DGKB: variants seen among roughly 807,000 people sequenced by gnomAD.
The protein encoded by DGKB is diacylglycerol kinase beta.
A neutral mutation model predicts 114.3 loss-of-function variants in DGKB; 67 were observed. The ratio of observed to expected loss-of-function variants is 0.59; its 90% confidence interval spans 0.48 to 0.72. The LOEUF (loss-of-function observed/expected upper bound fraction) is 0.72, where lower values mean the gene tolerates loss of function less well. Among genes scored for constraint, DGKB ranks in the 30% least tolerant of loss-of-function variants. The probability of loss-of-function intolerance (pLI) is 0.00; values close to 1 mark genes in which losing one functional copy is unlikely to be tolerated. For synonymous variants in DGKB, 398 were observed against 323.1 expected, an observed-to-expected ratio of 1.23 and a Z score of -2.49; for missense variants, 907 against 975.2, an observed-to-expected ratio of 0.93 and a Z score of 0.93.
intron 12 of DGKB, among the ~76,000 whole-genome samples, chr7:14,680,139 T>C (rs1820577958): frequency 1.3e-5 from 2 of 151,982 alleles, no homozygotes; most frequent in Admixed American, 6.6e-5. Flanking sequence ...CAGCCTTTTT[T>C]TTTCTTTCTG....
chr7:14,292,868 G>A (rs1251398716), intron 23 of DGKB, among the ~76,000 whole-genome samples: 2 of 152,152 alleles, frequency 1.3e-5, no homozygotes, highest in African/African-American at 4.8e-5. Context: ...ATAAACAGAG[G>A]TTTGACCACT....
chr7:14,874,540 A>G (rs1200262879), intron 1 of DGKB, among the ~76,000 whole-genome samples: 2 of 151,982 alleles, frequency 1.3e-5, no homozygotes, highest in Admixed American at 6.6e-5. Context: ...TACAAAGCAC[A>G]TATCATATAA....
chr7:14,868,075 C>T (rs761778696), intron 1 of DGKB, among the ~76,000 whole-genome samples: 10 of 152,228 alleles, frequency 6.6e-5, no homozygotes, highest in East Asian at 5.8e-4. Flanking sequence ...AACACCTCTG[C>T]GTCTCCATTT....
intron 21 of DGKB, among the ~76,000 whole-genome samples, chr7:14,454,519 T>C (rs972954800): frequency 1.3e-5 from 2 of 152,126 alleles, no homozygotes; most frequent in African/African-American, 4.8e-5. Flanking sequence ...CGTTCAGGAA[T>C]TATAATATGG....
At chr7:14,960,022 G>A (rs922633946) in intron 1 of DGKB, among the ~76,000 whole-genome samples, 2 of 151,986 alleles carry the variant, frequency 1.3e-5, no homozygotes, top group Non-Finnish European at 2.9e-5. Flanking sequence ...TTTTTACAGG[G>A]AAGACAACTT....
intron 21 of DGKB, among the ~76,000 whole-genome samples, chr7:14,366,942 T>C (rs1293862765): frequency 1.3e-5 from 2 of 152,106 alleles, no homozygotes; most frequent in African/African-American, 4.8e-5. Flanking sequence ...GTAAGGACAA[T>C]GGTCTCCAAT....
intron 2 of DGKB, among the ~76,000 whole-genome samples, chr7:14,823,962 T>C (rs537178176): frequency 6.6e-6 from 1 of 152,324 alleles, no homozygotes; most frequent in Non-Finnish European, 1.5e-5. Context: ...TTTAATTGAC[T>C]CATAGTTCCA....
At chr7:14,325,257 T>A (rs1377639462) in intron 23 of DGKB, among the ~76,000 whole-genome samples, 1 of 152,138 alleles carries the variant, frequency 6.6e-6, no homozygotes, top group Non-Finnish European at 1.5e-5. Context: ...GCTGAGGTGA[T>A]GTGGTCTCTG....
intron 17 of DGKB, among the ~76,000 whole-genome samples, chr7:14,587,668 C>T (rs1471860945): frequency 6.6e-6 from 1 of 152,042 alleles, no homozygotes; most frequent in South Asian, 2.1e-4. Context: ...ACTAGAGCCA[C>T]CTCCACCTTC....
At chr7:14,419,751 T>G (rs1335768339) in intron 21 of DGKB, among the ~76,000 whole-genome samples, 1 of 152,034 alleles carries the variant, frequency 6.6e-6, no homozygotes, top group East Asian at 1.9e-4. Flanking sequence ...TAGCTCTGAA[T>G]GGCCTTTACA....
Position 14,522,513 on chromosome 7 carries a change from A to G in DGKB, c.1771-44288T>C, listed in dbSNP as rs1584549012. Among the ~76,000 whole-genome samples the G allele has an allele frequency of 1.3e-5, 2 of 152,290 alleles. 1 individual carries two copies. Among genetic ancestry groups the G allele is most frequent in the East Asian group, 3.9e-4 (2 of 5,174 alleles). The stretch of plus-strand genomic sequence containing the variant: ...CTGTTCTCTTGCAACTGAGATGGCC[A>G]CTTAAACTGGTGATACTCCAAATCA... On this transcript the variant is annotated intron_variant, in intron 20 of 25. Transcript: ENST00000402815.
intron 2 of DGKB, among the ~76,000 whole-genome samples, chr7:14,802,825 C>T (rs539721610): frequency 6.6e-6 from 1 of 152,184 alleles, no homozygotes. Context: ...AGTGTCTCTT[C>T]GCCTTGCTAA....
intron 6 of DGKB, among the ~76,000 whole-genome samples, chr7:14,718,268 A>G (rs17606722): frequency 0.016 from 2,377 of 152,276 alleles, 35 homozygotes; most frequent in South Asian, 0.024. Context: ...CATCTTGTTA[A>G]CTCCAGAGAA....
At chr7:14,170,073 G>A (rs1780642134) in intron 25 of DGKB, among the ~76,000 whole-genome samples, 1 of 150,010 alleles carries the variant, frequency 6.7e-6, no homozygotes, top group Admixed American at 6.7e-5. Flanking sequence ...GGTGGATGTT[G>A]CGGTGAGCCG....
At chr7:14,434,063 A>G (rs1179280635) in intron 21 of DGKB, among the ~76,000 whole-genome samples, 4 of 152,198 alleles carry the variant, frequency 2.6e-5, no homozygotes, top group Non-Finnish European at 5.9e-5. Context: ...TCAGAGTTTA[A>G]GATTAGTGAT....
chr7:14,222,813 GCTTT>G (rs1790210606), intron 23 of DGKB, among the ~76,000 whole-genome samples: 1 of 151,056 alleles, frequency 6.6e-6, no homozygotes, highest in Non-Finnish European at 1.5e-5. Context: ...GTCATTTTTT[GCTTT>G]ATTTTGATTT....
chr7:14,690,787 A>T (rs17668635), intron 9 of DGKB, among the ~76,000 whole-genome samples: 66,844 of 152,098 alleles, frequency 0.44, 15,973 homozygotes, highest in East Asian at 0.87. Context: ...CAACAAAAAA[A>T]GTGTTTTAAT....
intron 1 of DGKB, among the ~76,000 whole-genome samples, chr7:14,972,485 T>A (rs1166869996): frequency 6.6e-6 from 1 of 152,122 alleles, no homozygotes; most frequent in African/African-American, 2.4e-5. Context: ...TGCTATCTTC[T>A]CTTTCTGTCT....
intron 23 of DGKB, among the ~76,000 whole-genome samples, chr7:14,332,070 G>A (rs546680462): frequency 9.9e-5 from 15 of 152,284 alleles, no homozygotes; most frequent in African/African-American, 2.4e-4. Context: ...ATTTCCACAT[G>A]GGGCTACTTA....
Sources: gnomAD v4.1 joint callset for allele counts (sites outside exome capture counted in the v4.1 genomes callset) on GRCh38, gnomAD v4.1.1 for gene constraint, MANE v1.5 for transcripts, NCBI Gene and HGNC (gene_info 2026-07-23, HGNC 2026-07-21) for gene names.